PDZRN3: variants seen among roughly 807,000 people sequenced by gnomAD.
The protein encoded by PDZRN3 is E3 ubiquitin-protein ligase PDZRN3.
A neutral mutation model predicts 85.7 loss-of-function variants in PDZRN3; 38 were observed. The ratio of observed to expected loss-of-function variants is 0.44; its 90% CI spans 0.34 to 0.58. PDZRN3 has a LOEUF of 0.58. PDZRN3 is among the 20% of genes least tolerant of loss of function. PDZRN3 has a pLI of 0.01. For synonymous variants in PDZRN3, 759 were observed against 638.0 expected (o/e 1.19, Z -2.86); for missense variants, 1,629 against 1,506.4 (o/e 1.08, Z -1.35).
At chr3:73,521,797 C>T (rs1161819569) in intron 3 of PDZRN3, among the ~76,000 whole-genome samples, 1 of 152,172 alleles carries the variant, frequency 6.6e-6, no homozygotes, top group Non-Finnish European at 1.5e-5. Context: ...CAAATTGGGG[C>T]TGTCATGCAG....
chr3:73,423,116 G>A (rs1230173863), intron 3 of PDZRN3, among the ~76,000 whole-genome samples: 6 of 152,148 alleles, frequency 3.9e-5, no homozygotes, highest in Non-Finnish European at 7.3e-5. Context: ...ATACCATTGT[G>A]ATTCTGAGGG....
intron 7 of PDZRN3, 110 bp from the exon 8 acceptor site, chr3:73,388,179 T>C: frequency 1.6e-6 from 1 of 615,520 alleles, no homozygotes. Flanking sequence ...CCACTCACAG[T>C]TAGAACATAC....
chr3:73,544,909 C>T (rs932025121), intron 3 of PDZRN3, among the ~76,000 whole-genome samples: 1 of 152,078 alleles, frequency 6.6e-6, no homozygotes, highest in Non-Finnish European at 1.5e-5. Flanking sequence ...AAACTAAACC[C>T]AATACTGTGC....
At position 73,624,257 on chromosome 3, in the gene PDZRN3, C is replaced by T. The variant is rs1374214588; in HGVS notation, c.569G>A (p.Arg190His). Residue 190 changes from arginine to histidine, a missense_variant, in exon 1 of 10, where the codon CGC (arginine) becomes CAC (histidine). Physicochemically the swap from Arg to His is conservative, Grantham distance 29 (BLOSUM62 0). Transcript: ENST00000263666. ...CAGCGACTTCTCGCGCTTCCCAGCGCGCAGCGCCTCCTTCTTGAGCGCCTT... is the reference window on the plus strand; with the variant it reads ...CAGCGACTTCTCGCGCTTCCCAGCGTGCAGCGCCTCCTTCTTGAGCGCCTT... ...LHKALKKEAL[R>H]AGKREKSLVA... 1 of 1,441,482 alleles carries T rather than the reference C, an allele frequency of 6.9e-7. No individual in the cohort carries two copies. Among genetic ancestry groups the T allele is most frequent in the Non-Finnish European group, 9.1e-7 (1 of 1,103,946 alleles). 89.3% of individuals were successfully genotyped at this position (1,441,482 alleles called of 1,614,324 possible).
At chr3:73,554,913 T>C (rs1157457041) in intron 3 of PDZRN3, among the ~76,000 whole-genome samples, 1 of 152,196 alleles carries the variant, frequency 6.6e-6, no homozygotes, top group Non-Finnish European at 1.5e-5. Flanking sequence ...CTAATAACAA[T>C]TAGATTTTTC....
rs1186018823 is a variant in PDZRN3 at position 73,459,519 on chromosome 3, A to T, written c.919-55124T>A. ...TCCTTCCTTCTACCCTTCACCCTCA[A>T]GTAGGCTCCAGTATCTGTTGTTCCC... is the stretch of plus-strand genomic sequence containing the variant. On this transcript the variant is annotated intron_variant, in intron 3 of 9. Coordinates refer to ENST00000263666, the MANE Select transcript of PDZRN3 (RefSeq NM_015009.3). Among the ~76,000 whole-genome samples the T allele has an allele frequency of 2.6e-5, 4 of 151,994 alleles. No individual in the cohort carries two copies. In the East Asian group the frequency reaches 7.7e-4, roughly 29 times the overall value.
chr3:73,445,221 C>T (rs149855021), intron 3 of PDZRN3, among the ~76,000 whole-genome samples: 1 of 152,220 alleles, frequency 6.6e-6, no homozygotes, highest in Non-Finnish European at 1.5e-5. Flanking sequence ...TGTTTTTATT[C>T]TTGGCCAGAC....
At chr3:73,606,352 A>G (rs1702598987) in intron 2 of PDZRN3, among the ~76,000 whole-genome samples, 1 of 152,230 alleles carries the variant, frequency 6.6e-6, no homozygotes. Flanking sequence ...GTTGTAGAAC[A>G]TGGGCTCATG....
At chr3:73,565,097 G>C (rs1038194787) in intron 3 of PDZRN3, among the ~76,000 whole-genome samples, 2 of 151,030 alleles carry the variant, frequency 1.3e-5, no homozygotes, top group Admixed American at 1.3e-4. Context: ...CAGGGCTTTA[G>C]GGAAATACTA....
At chr3:73,596,530 A>C (rs112564454) in intron 3 of PDZRN3, among the ~76,000 whole-genome samples, 1 of 152,240 alleles carries the variant, frequency 6.6e-6, no homozygotes, top group South Asian at 2.1e-4. Context: ...TCAAGTTAAC[A>C]TAAAGGGACA....
At chr3:73,506,258 G>A (rs6549547) in intron 3 of PDZRN3, among the ~76,000 whole-genome samples, 143,994 of 152,224 alleles carry the variant, frequency 0.95, 68,610 homozygotes, top group Non-Finnish European at 1. Flanking sequence ...TTCTGAAGTC[G>A]GGCCTGGGCA....
At chr3:73,453,437 CAAAG>C (rs1230114636) in intron 3 of PDZRN3, among the ~76,000 whole-genome samples, 1 of 109,642 alleles carries the variant, frequency 9.1e-6, no homozygotes, top group Admixed American at 9.3e-5. Flanking sequence ...AAAAAAAAAA[CAAAG>C]AAAGAAGAAA....
Position 73,565,086 on chromosome 3 carries a change from C to T in PDZRN3, c.918+37268G>A, listed in dbSNP as rs115446095. ...TAATACTGTATATACCACCCGTTCTCCAGGGCTTTAGGGAAATACTATATC... is the reference window on the plus strand; with the variant it reads ...TAATACTGTATATACCACCCGTTCTTCAGGGCTTTAGGGAAATACTATATC... On this transcript the variant is annotated intron_variant, in intron 3 of 9. Coordinates refer to ENST00000263666, the MANE Select transcript of PDZRN3 (RefSeq NM_015009.3). Among the ~76,000 whole-genome samples the T allele has an allele frequency of 7.3e-3, 1,110 of 151,692 alleles. 11 individuals carry two copies. The highest frequency in any genetic ancestry group is 0.026 in the African/African-American group (1,053 of 41,252).
chr3:73,446,367 C>T (rs1702748481), intron 3 of PDZRN3, among the ~76,000 whole-genome samples: 1 of 152,174 alleles, frequency 6.6e-6, no homozygotes, highest in Admixed American at 6.5e-5. Context: ...ACCAATCATA[C>T]CGTGTGCTCT....
intron 3 of PDZRN3, among the ~76,000 whole-genome samples, chr3:73,500,537 T>A (rs1346863778): frequency 6.6e-6 from 1 of 152,188 alleles, no homozygotes; most frequent in Non-Finnish European, 1.5e-5. Flanking sequence ...GGCTCCACTC[T>A]ATATAAGTGT....
intron 3 of PDZRN3, among the ~76,000 whole-genome samples, chr3:73,440,210 C>A (rs114230656): frequency 6.6e-6 from 1 of 152,084 alleles, no homozygotes; most frequent in African/African-American, 2.4e-5. Context: ...AAAGTAATTG[C>A]GGTTTTTACA....
intron 3 of PDZRN3, among the ~76,000 whole-genome samples, chr3:73,462,333 G>C (rs1703121777): frequency 1.3e-5 from 2 of 152,112 alleles, no homozygotes; most frequent in African/African-American, 4.8e-5. Flanking sequence ...CACGAGGTCA[G>C]GAGATCGAGA....
chr3:73,431,810 A>G (rs1702436752), intron 3 of PDZRN3, among the ~76,000 whole-genome samples: 1 of 152,070 alleles, frequency 6.6e-6, no homozygotes, highest in Non-Finnish European at 1.5e-5. Context: ...CTAGTAAAAA[A>G]CAAACAACAG....
At chr3:73,583,462 T>C (rs1217088896) in intron 3 of PDZRN3, among the ~76,000 whole-genome samples, 1 of 152,152 alleles carries the variant, frequency 6.6e-6, no homozygotes, top group Non-Finnish European at 1.5e-5. Flanking sequence ...TCCAGACCTT[T>C]TCACCTGGGA....
Sources: allele counts gnomAD v4.1 joint callset (sites outside exome capture counted in the v4.1 genomes callset), GRCh38; gene constraint gnomAD v4.1.1; transcripts MANE v1.5; gene names NCBI Gene and HGNC (gene_info 2026-07-23, HGNC 2026-07-21).